The following GRIP1 variants were observed in gnomAD, a reference collection of about 807,000 sequenced individuals.
GRIP1 encodes the protein glutamate receptor interacting protein 1.
In GRIP1, 45 loss-of-function variants were observed where a neutral mutation model predicts 129.9. That is an observed-to-expected ratio of 0.35 (90% confidence interval 0.27 to 0.44). The LOEUF is 0.44. Among genes scored for constraint, GRIP1 ranks in the 20% least tolerant of loss-of-function variants. The pLI is 1.00. For synonymous variants in GRIP1, 530 were observed against 520.8 expected (o/e 1.02, Z -0.24); for missense variants, 1,196 against 1,396.8 (o/e 0.86, Z 2.29).
chr12:66,515,090 A>G (rs190873996), intron 7 of GRIP1, among the ~76,000 whole-genome samples: 2,209 of 152,290 alleles, frequency 0.015, 26 homozygotes, highest in Non-Finnish European at 0.024. Context: ...ATTTAAAAAA[A>G]GAAAACTGCA....
intron 7 of GRIP1, among the ~76,000 whole-genome samples, chr12:66,515,406 T>A (rs1020200071): frequency 6.6e-6 from 1 of 152,172 alleles, no homozygotes; most frequent in African/African-American, 2.4e-5. Context: ...TGAGACTCTA[T>A]TATGGAACCT....
At position 66,736,346 on chromosome 12, in the gene GRIP1, A is replaced by ATT. The variant is rs547706592; in HGVS notation, c.-420+67705_-420+67706dup. Among the ~76,000 whole-genome samples, 8 of 67,024 alleles carry ATT rather than the reference A, an allele frequency of 1.2e-4. 2 individuals carry two copies. The highest frequency in any genetic ancestry group is 2.6e-4 in the African/African-American group (4 of 15,398). The allele number at this position is 67,024 out of a possible 152,430, so 44.0% of individuals were successfully genotyped here. A position where few individuals can be genotyped will look rare whatever the true frequency, so the allele number is the denominator to read the frequency against. ...AGGTGTGCACCACCGTGCCTGGCTA[A>ATT]TTTTTTTTTTTTTTTTTTTTTTTTT... On this transcript the variant is annotated intron_variant, in intron 1 of 4. Transcript: ENST00000538373.
intron 1 of GRIP1, among the ~76,000 whole-genome samples, chr12:66,801,692 T>C (rs2038862216): frequency 6.6e-6 from 1 of 152,040 alleles, no homozygotes. Flanking sequence ...TTATTACACA[T>C]ACAAAGTTCT....
chr12:66,787,844 A>T (rs769734648), intron 1 of GRIP1, among the ~76,000 whole-genome samples: 49 of 152,264 alleles, frequency 3.2e-4, no homozygotes, highest in Non-Finnish European at 5.7e-4. Context: ...AAACTGTATG[A>T]GTTAGAACAG....
chr12:66,876,565 A>T (rs976865017), intron 1 of GRIP1, among the ~76,000 whole-genome samples: 1 of 152,088 alleles, frequency 6.6e-6, no homozygotes, highest in African/African-American at 2.4e-5. Context: ...GCAGCTACAG[A>T]CATAGCAAAG....
At chr12:66,588,879 G>T (rs1646643930) in intron 2 of GRIP1, among the ~76,000 whole-genome samples, 1 of 151,748 alleles carries the variant, frequency 6.6e-6, no homozygotes, top group African/African-American at 2.4e-5. Flanking sequence ...TGAGGCAGGA[G>T]AATCGCTTGA....
intron 23 of GRIP1, among the ~76,000 whole-genome samples, chr12:66,369,280 T>A (rs2055336327): frequency 6.7e-6 from 1 of 149,354 alleles, no homozygotes; most frequent in Non-Finnish European, 1.5e-5. Context: ...AACCAGTCCA[T>A]CCACAGCCAT....
chr12:66,816,038 A>T (rs1218903443), intron 1 of GRIP1, among the ~76,000 whole-genome samples: 1 of 152,132 alleles, frequency 6.6e-6, no homozygotes, highest in African/African-American at 2.4e-5. Context: ...GTCATGGCCA[A>T]GTTCTAGCAC....
chr12:66,679,424 T>C (rs1464277287), upstream of GRIP1, among the ~76,000 whole-genome samples: 2 of 140,340 alleles, frequency 1.4e-5, no homozygotes, highest in Non-Finnish European at 1.5e-5. Flanking sequence ...GGTCATGTAC[T>C]ATGTTCTTTA....
At chr12:66,686,828 A>G (rs1377037708) in intron 1 of GRIP1, among the ~76,000 whole-genome samples, 1 of 152,214 alleles carries the variant, frequency 6.6e-6, no homozygotes, top group Non-Finnish European at 1.5e-5. Flanking sequence ...AGGCTGAGGC[A>G]GGAGGATCAC....
At chr12:66,612,595 A>G (rs573996781) in intron 1 of GRIP1, among the ~76,000 whole-genome samples, 78 of 152,264 alleles carry the variant, frequency 5.1e-4, no homozygotes, top group African/African-American at 1.8e-3. Context: ...CATGACTGCC[A>G]CTGCACTCCA....
chr12:66,472,038 T>C (rs1212147330), intron 7 of GRIP1, among the ~76,000 whole-genome samples: 1 of 152,210 alleles, frequency 6.6e-6, no homozygotes, highest in Non-Finnish European at 1.5e-5. Context: ...TATGCTGGCA[T>C]TTTACATAAG....
Position 66,379,374 on chromosome 12 carries a change from T to A in GRIP1, c.2527A>T (p.Arg843Ter). ...TTAGTGACTGGGGACAAGCTGCCTCTCTGTTTTGGACTCCTCCAGTCATAG... is the reference window on the plus strand; with the variant it reads ...TTAGTGACTGGGGACAAGCTGCCTCACTGTTTTGGACTCCTCCAGTCATAG... ...NTYDWRSPKQRGSLSPVTKPR... is the reference protein window; with the variant it reads ...NTYDWRSPKQ Residue 843 changes from arginine to a stop codon, truncating the protein, a stop_gained, in exon 20 of 25, where the codon AGA (arginine) becomes TGA (stop). Coordinates refer to ENST00000359742, the MANE Select transcript of GRIP1 (RefSeq NM_001366722.1). LOFTEE classifies it high-confidence loss of function. 1 of 1,614,088 alleles carries A rather than the reference T, an allele frequency of 6.2e-7. No individual in the cohort carries two copies. Among genetic ancestry groups the A allele is most frequent in the African/African-American group, 1.3e-5 (1 of 75,038 alleles).
At chr12:66,386,201 G>A (rs2056349914) in intron 19 of GRIP1, among the ~76,000 whole-genome samples, 1 of 152,166 alleles carries the variant, frequency 6.6e-6, no homozygotes, top group African/African-American at 2.4e-5. Flanking sequence ...TTAGATATTT[G>A]TAAAATTCTA....
At chr12:66,957,337 A>G (rs2041857478) in intron 1 of GRIP1, among the ~76,000 whole-genome samples, 1 of 151,988 alleles carries the variant, frequency 6.6e-6, no homozygotes, top group African/African-American at 2.4e-5. Context: ...ACTTGTCACA[A>G]TTATAATTAA....
intron 1 of GRIP1, among the ~76,000 whole-genome samples, chr12:66,646,005 G>C (rs1721063642): frequency 6.6e-6 from 1 of 152,134 alleles, no homozygotes; most frequent in Admixed American, 6.5e-5. Flanking sequence ...TAAAGTTGCT[G>C]GAAGATAAGA....
intron 1 of GRIP1, among the ~76,000 whole-genome samples, chr12:67,054,901 C>T (rs767820875): frequency 6.6e-6 from 1 of 152,106 alleles, no homozygotes; most frequent in African/African-American, 2.4e-5. Flanking sequence ...AGACCAGAGG[C>T]CAACTGAATA....
At chr12:66,625,624 T>C (rs940144537) in intron 1 of GRIP1, among the ~76,000 whole-genome samples, 2 of 152,160 alleles carry the variant, frequency 1.3e-5, no homozygotes, top group East Asian at 3.8e-4. Context: ...CCCTTGAAAT[T>C]TGAGCCAACA....
intron 1 of GRIP1, among the ~76,000 whole-genome samples, chr12:66,627,551 T>C (rs1261189251): frequency 1.3e-5 from 2 of 152,188 alleles, no homozygotes; most frequent in Non-Finnish European, 2.9e-5. Flanking sequence ...TCTTGTCTAA[T>C]TAGCATCCAT....
Sources: allele counts gnomAD v4.1 joint callset (sites outside exome capture counted in the v4.1 genomes callset), GRCh38; gene constraint gnomAD v4.1.1; transcripts MANE v1.5; gene names NCBI Gene and HGNC (gene_info 2026-07-23, HGNC 2026-07-21).